TUBE1: variants seen among roughly 807,000 people sequenced by gnomAD.
TUBE1 encodes tubulin epsilon 1, also known as tubulin epsilon chain.
In TUBE1, 34 loss-of-function variants were observed where a neutral mutation model predicts 53.5. That is an observed-to-expected ratio of 0.64 (90% CI 0.48 to 0.85). TUBE1 has a LOEUF of 0.85. TUBE1 is among the 40% of genes least tolerant of loss of function. The pLI is 0.00. For missense variants in TUBE1, 532 were observed against 570.5 expected (o/e 0.93, Z 0.69); for synonymous variants, 177 against 198.4 (o/e 0.89, Z 0.91).
rs1776852438 is a variant in TUBE1 at position 112,071,228 on chromosome 6, G to A, written c.*184C>T. On this transcript the variant is annotated 3_prime_UTR_variant, in exon 12 of 12. Transcript: ENST00000368662. The stretch of plus-strand genomic sequence containing the variant: ...GAAATGTTTGAAGTTAAGGTACTAA[G>A]ATTTCACTAATTTCACACATTGGTA... 2.0e-6 allele frequency: 1 copy of A among 511,386 alleles called. No homozygotes were observed. The highest frequency in any genetic ancestry group is 3.4e-5 in the Admixed American group (1 of 29,030). 31.7% of individuals were successfully genotyped at this position (511,386 alleles called of 1,614,324 possible).
chr6:112,075,904 T>A, intron 8 of TUBE1, 33 bp downstream of exon 8: 1 of 1,521,168 alleles, frequency 6.6e-7, no homozygotes, highest in Non-Finnish European at 8.8e-7. Context: ...AAAAGCACAA[T>A]AAAGTTTTTT....
In TUBE1 at chr6:112,086,557, T is replaced by TGGTGTC; in HGVS notation, c.145_150dup (p.Asp49_Thr50dup). The TGGTGTC allele has an allele frequency of 1.9e-6, 3 of 1,612,262 alleles. No individual in the cohort carries two copies. Among genetic ancestry groups the TGGTGTC allele is most frequent in the Non-Finnish European group, 2.5e-6 (3 of 1,178,550 alleles). Reference sequence around the variant, plus strand: ...TGACAGACTTTAATCCCATCTTACCTGGTGTCCACATTTCTAAAGAAGCTG... The same window carrying TGGTGTC: ...TGACAGACTTTAATCCCATCTTACCTGGTGTCGGTGTCCACATTTCTAAAGAAGCTG... On this transcript the variant is annotated inframe_insertion and splice_region_variant, in exon 3 of 12. Transcript: ENST00000368662.
intron 9 of TUBE1, among the ~76,000 whole-genome samples, chr6:112,073,455 A>C (rs193229210): frequency 5.3e-4 from 81 of 152,306 alleles, no homozygotes; most frequent in African/African-American, 1.7e-3. Context: ...CTGAAGGATA[A>C]AAGACAAAAG....
intron 10 of TUBE1, 92 bp from the exon 11 acceptor site, chr6:112,072,168 C>T: frequency 1.1e-6 from 1 of 913,060 alleles, no homozygotes; most frequent in Non-Finnish European, 1.6e-6. Context: ...TAAACCAGAA[C>T]ATTATGGATG....
At chr6:112,086,405 T>C (rs1777157464) in intron 3 of TUBE1, 151 bp downstream of exon 3, 2 of 469,330 alleles carry the variant, frequency 4.3e-6, no homozygotes, top group African/African-American at 2.0e-5. Context: ...TATAAGAATA[T>C]TAATAATCTA....
chr6:112,075,623 T>C (rs1776952085), intron 8 of TUBE1: 1 of 185,816 alleles, frequency 5.4e-6, no homozygotes, highest in African/African-American at 2.3e-5. Flanking sequence ...TACAGATTAG[T>C]TGGTTTAAAT....
chr6:112,071,681 T>C (rs1292205588), intron 11 of TUBE1, 111 bp from the exon 12 acceptor site: 1 of 1,031,812 alleles, frequency 9.7e-7, no homozygotes, highest in East Asian at 2.6e-5. Context: ...CAGCTCTACA[T>C]TTGAAAGAGA....
chr6:112,074,714 T>C lies in TUBE1; in HGVS notation c.949A>G (p.Arg317Gly), dbSNP rs1776925974. The change falls in exon 9 of 12, where the codon AGA (arginine) becomes GGA (glycine). Residue 317 changes from arginine (R) to glycine (G), a missense_variant. Coordinates refer to ENST00000368662, the MANE Select transcript of TUBE1 (RefSeq NM_016262.5). Reference sequence around the variant, plus strand: ...TGAAACAAAGTTACACCTTACCTTCTAGGAGGAATGTTAACATCTGTCAGT... The same window carrying C: ...TGAAACAAAGTTACACCTTACCTTCCAGGAGGAATGTTAACATCTGTCAGT... ...YTLTDVNIPP[R>G]RLDQMFSDAF... 4 of 1,523,550 alleles carry C rather than the reference T, an allele frequency of 2.6e-6. No homozygotes were observed. The highest frequency in any genetic ancestry group is 3.5e-6 in the Non-Finnish European group (4 of 1,137,508). The allele number at this position is 1,523,550 out of a possible 1,614,324, so 94.4% of individuals were successfully genotyped here.
chr6:112,072,817 G>A lies in TUBE1; in HGVS notation c.1035C>T (p.Ala345=). 6.2e-7 allele frequency: 1 copy of A among 1,613,714 alleles called. No homozygotes were observed. Among genetic ancestry groups the A allele is most frequent in the Non-Finnish European group, 8.5e-7 (1 of 1,179,720 alleles). ...CATTTCCTCTAACCATGAGTGCACA[G>A]GCGAGGTAAAGACTGTGTTTGGGGT... is the stretch of plus-strand genomic sequence containing the variant. ...RADPKHSLYL[A]CALMVRGNVQ... is the part of the protein sequence containing the mutation. The change falls in exon 10 of 12, where the codon GCC becomes GCT. Residue 345 remains alanine, a synonymous_variant. Coordinates refer to ENST00000368662, the MANE Select transcript of TUBE1 (RefSeq NM_016262.5).
At chr6:112,081,436 T>C (rs1480479460) in intron 4 of TUBE1, among the ~76,000 whole-genome samples, 1 of 152,060 alleles carries the variant, frequency 6.6e-6, no homozygotes, top group Non-Finnish European at 1.5e-5. Context: ...TACTCCAAAA[T>C]GCCTAGTTGG....
intron 3 of TUBE1, chr6:112,085,232 T>C (rs1265119708): frequency 1.3e-5 from 2 of 152,900 alleles, no homozygotes; most frequent in Non-Finnish European, 2.9e-5. Context: ...TGGTTTTACT[T>C]TGAAAAATAT....
At chr6:112,075,642 C>T (rs1156324229) in intron 8 of TUBE1, 6 of 213,272 alleles carry the variant, frequency 2.8e-5, no homozygotes, top group Non-Finnish European at 4.6e-5. Context: ...ATGATTAAGA[C>T]ATTCTACAGC....
In TUBE1 at chr6:112,079,616, T is replaced by C; in HGVS notation, c.448+17A>G. On this transcript the variant is annotated intron_variant, in intron 6 of 11. Coordinates refer to ENST00000368662, the MANE Select transcript of TUBE1 (RefSeq NM_016262.5). ...ATCCTTTAACACTGTTACAGGCAAA[T>C]GAGTGAAAAATTTTACCTCCTCCCA... The C allele has an allele frequency of 6.2e-7, 1 of 1,610,862 alleles. No homozygotes were observed. Among genetic ancestry groups the C allele is most frequent in the African/African-American group, 1.3e-5 (1 of 74,832 alleles).
chr6:112,085,926 A>G (rs1360874789), intron 3 of TUBE1, among the ~76,000 whole-genome samples: 5 of 152,230 alleles, frequency 3.3e-5, no homozygotes, highest in Non-Finnish European at 7.3e-5. Flanking sequence ...TTCTCTGAAG[A>G]TAACTGCTCA....
At chr6:112,081,275 G>T in intron 4 of TUBE1, 68 bp from the exon 5 acceptor site, 1 of 793,972 alleles carries the variant, frequency 1.3e-6, no homozygotes, top group Non-Finnish European at 2.0e-6. Context: ...TAAATGAAAA[G>T]AATTTATGCG....
chr6:112,084,304 C>A, intron 3 of TUBE1, 58 bp from the exon 4 acceptor site: 1 of 1,399,082 alleles, frequency 7.1e-7, no homozygotes, highest in South Asian at 1.2e-5. Flanking sequence ...ATAGCACTAT[C>A]AGGTGATAAA....
intron 6 of TUBE1, chr6:112,078,110 T>C (rs1185606112): frequency 6.6e-6 from 1 of 152,080 alleles, no homozygotes; most frequent in African/African-American, 2.4e-5. Context: ...GGTGCTAGTG[T>C]AGGGAAATAG....
rs782596682 is a variant in TUBE1 at position 112,076,036 on chromosome 6, CT to C, written c.712del (p.Ser238ValfsTer10). On this transcript the variant is annotated frameshift_variant, in exon 8 of 12. Transcript: ENST00000368662. LOFTEE classifies it high-confidence loss of function. ...GKLGTTVKPK[S>X]LVTSSSGALK... is the part of the protein sequence containing the mutation. ...AGCCCCAGAACTTGAAGTAACCAGACTCTTTGGCTTCACAGTTGTACCCAAC... is the reference window on the plus strand; with the variant it reads ...AGCCCCAGAACTTGAAGTAACCAGACCTTTGGCTTCACAGTTGTACCCAAC... 1.2e-6 allele frequency: 2 copies of C among 1,613,926 alleles called. No individual in the cohort carries two copies. Among genetic ancestry groups the C allele is most frequent in the South Asian group, 2.2e-5 (2 of 91,070 alleles).
chr6:112,077,540 A>G (rs1776992687), intron 6 of TUBE1: 1 of 152,128 alleles, frequency 6.6e-6, no homozygotes, highest in African/African-American at 2.4e-5. Flanking sequence ...TTTTCTTAAT[A>G]TATTTTTTCA....
Sources: allele counts gnomAD v4.1 joint callset (sites outside exome capture counted in the v4.1 genomes callset), GRCh38; gene constraint gnomAD v4.1.1; transcripts MANE v1.5; gene names NCBI Gene and HGNC (gene_info 2026-07-23, HGNC 2026-07-21).